NEK10: variants seen among roughly 807,000 people sequenced by gnomAD.
NEK10 encodes serine/threonine-protein kinase Nek10.
Under a neutral mutation model 159.8 loss-of-function variants are expected in NEK10, and 122 were observed. The ratio of observed to expected loss-of-function variants is 0.76; its 90% CI spans 0.66 to 0.89. The LOEUF is 0.89. Among genes scored for constraint, NEK10 ranks in the 40% least tolerant of loss-of-function variants. The probability of loss-of-function intolerance (pLI) is 0.00; values close to 1 mark genes in which losing one functional copy is unlikely to be tolerated. For missense variants in NEK10, 1,342 were observed against 1,323.1 expected (o/e 1.01, Z -0.22); for synonymous variants, 466 against 457.1 (o/e 1.02, Z -0.25).
chr3:27,239,670 A>G (rs1020355837), intron 23 of NEK10, among the ~76,000 whole-genome samples: 2 of 152,168 alleles, frequency 1.3e-5, no homozygotes, highest in Admixed American at 1.3e-4. Context: ...TTTGTATGTA[A>G]TATCTAGAAG....
At chr3:27,126,327 G>A (rs1941940563) in intron 32 of NEK10, among the ~76,000 whole-genome samples, 2 of 152,140 alleles carry the variant, frequency 1.3e-5, no homozygotes, top group Non-Finnish European at 2.9e-5. Flanking sequence ...ACTGGGTTTT[G>A]TCTGGGCTTT....
At chr3:27,120,010 T>C (rs1941060636) in intron 32 of NEK10, 142 bp from the exon 33 acceptor site, 1 of 556,584 alleles carries the variant, frequency 1.8e-6, no homozygotes, top group Non-Finnish European at 3.2e-6. Context: ...TGTAAATAGA[T>C]AAAGAAATAA....
intron 28 of NEK10, among the ~76,000 whole-genome samples, chr3:27,174,177 C>T (rs1433017710): frequency 6.6e-6 from 1 of 152,148 alleles, no homozygotes; most frequent in Non-Finnish European, 1.5e-5. Context: ...AGTTAGATAT[C>T]TTGACTCTCT....
intron 26 of NEK10, among the ~76,000 whole-genome samples, chr3:27,179,820 C>G (rs1359804651): frequency 6.6e-6 from 1 of 152,178 alleles, no homozygotes. Context: ...GTGGTTCACA[C>G]CTGTAATCCT....
chr3:27,337,577 G>T (rs1353015497), intron 5 of NEK10, among the ~76,000 whole-genome samples: 2 of 152,224 alleles, frequency 1.3e-5, no homozygotes, highest in African/African-American at 4.8e-5. Context: ...AACCAAAACA[G>T]CATGGTAATG....
intron 23 of NEK10, among the ~76,000 whole-genome samples, chr3:27,219,781 A>G (rs1951904972): frequency 6.6e-6 from 1 of 152,234 alleles, no homozygotes; most frequent in African/African-American, 2.4e-5. Context: ...GAAAGAAGTA[A>G]GACAATTTCT....
At chr3:27,334,482 T>A (rs1227655306) in intron 5 of NEK10, among the ~76,000 whole-genome samples, 1 of 151,740 alleles carries the variant, frequency 6.6e-6, no homozygotes, top group Non-Finnish European at 1.5e-5. Context: ...CCATCTAGGG[T>A]CCCCAGGATA....
chr3:27,272,244 C>G (rs925277263), intron 22 of NEK10, among the ~76,000 whole-genome samples: 1 of 152,176 alleles, frequency 6.6e-6, no homozygotes, highest in Non-Finnish European at 1.5e-5. Flanking sequence ...TCACCTCCAG[C>G]CCTATAAAGC....
intron 6 of NEK10, among the ~76,000 whole-genome samples, chr3:27,319,573 G>A (rs2045468049): frequency 3.3e-5 from 5 of 152,166 alleles, no homozygotes. Flanking sequence ...CTGGATTCAG[G>A]AGACAGCCTG....
chr3:27,199,174 C>A (rs185341311), intron 25 of NEK10, among the ~76,000 whole-genome samples: 1 of 151,480 alleles, frequency 6.6e-6, no homozygotes, highest in African/African-American at 2.4e-5. Context: ...AGTAAACAGA[C>A]AATCTACAGA....
At chr3:27,295,782 CAAA>C in intron 14 of NEK10, 92 bp from the exon 15 acceptor site, 1 of 1,391,502 alleles carries the variant, frequency 7.2e-7, no homozygotes, top group Non-Finnish European at 9.4e-7. Context: ...ACATTAATAT[CAAA>C]GAAGAAATAT....
chr3:27,255,731 T>C (rs1305108495), intron 23 of NEK10, among the ~76,000 whole-genome samples: 1 of 152,182 alleles, frequency 6.6e-6, no homozygotes, highest in African/African-American at 2.4e-5. Flanking sequence ...TTTATCAAAA[T>C]ATAAACACTC....
intron 6 of NEK10, among the ~76,000 whole-genome samples, chr3:27,316,238 T>C (rs1224760845): frequency 6.6e-6 from 1 of 152,010 alleles, no homozygotes; most frequent in African/African-American, 2.4e-5. Context: ...GGGGAGCGTA[T>C]CAACTGGGAG....
intron 15 of NEK10, 142 bp downstream of exon 15, chr3:27,295,471 C>G: frequency 4.2e-6 from 4 of 963,828 alleles, no homozygotes; most frequent in Non-Finnish European, 5.5e-6. Flanking sequence ...CCATGCCAGT[C>G]TTCCTTGCCA....
intron 26 of NEK10, among the ~76,000 whole-genome samples, chr3:27,184,400 G>A (rs533382662): frequency 5.3e-5 from 8 of 152,314 alleles, no homozygotes; most frequent in Admixed American, 3.9e-4. Flanking sequence ...ACCAGTCTAC[G>A]TCCTGGGGCA....
Position 27,141,514 on chromosome 3 carries a change from T to C in NEK10, c.2938A>G (p.Ile980Val), listed in dbSNP as rs745929644. The C allele has an allele frequency of 4.3e-6, 7 of 1,613,192 alleles. No homozygotes were observed. The highest frequency in any genetic ancestry group is 5.9e-6 in the Non-Finnish European group (7 of 1,179,366). ...QISDPIQQIL[I>V]QLHKIIYITQ... ...ATATAGATTATTTTGTGCAGCTGAA[T>C]TAATATCTGCTGAATAGGATCACTG... The change falls in exon 31 of 36, where the codon ATT (isoleucine) becomes GTT (valine). Residue 980 changes from isoleucine to valine, a missense_variant. Transcript: ENST00000691995.
chr3:27,199,693 G>A (rs1949877858), intron 25 of NEK10, among the ~76,000 whole-genome samples: 1 of 152,184 alleles, frequency 6.6e-6, no homozygotes. Context: ...CAATAGCAAA[G>A]ACATGGAATC....
At chr3:27,327,389 C>A (rs1372454422) in intron 5 of NEK10, among the ~76,000 whole-genome samples, 1 of 152,176 alleles carries the variant, frequency 6.6e-6, no homozygotes, top group Non-Finnish European at 1.5e-5. Context: ...TATGACTGAA[C>A]TTATGCCACT....
At chr3:27,351,141 A>G (rs773368550) in intron 3 of NEK10, among the ~76,000 whole-genome samples, 4 of 152,186 alleles carry the variant, frequency 2.6e-5, no homozygotes, top group Non-Finnish European at 5.9e-5. Flanking sequence ...ATATGGAGGT[A>G]ATATCATTAG....
Sources: gnomAD v4.1 joint callset for allele counts (sites outside exome capture counted in the v4.1 genomes callset) on GRCh38, gnomAD v4.1.1 for gene constraint, MANE v1.5 for transcripts, NCBI Gene and HGNC (gene_info 2026-07-23, HGNC 2026-07-21) for gene names.